Variants in ZNF33A observed in about 807,000 individuals in gnomAD.
The protein encoded by ZNF33A is brain my041 protein.
A neutral mutation model predicts 15.9 loss-of-function variants in ZNF33A; 9 were observed. That is an observed-to-expected ratio of 0.57 (90% CI 0.34 to 0.99). ZNF33A has a LOEUF of 0.99. ZNF33A is among the 50% of genes least tolerant of loss of function. ZNF33A has a pLI of 0.02. For synonymous variants in ZNF33A, 294 were observed against 324.2 expected, an observed-to-expected ratio of 0.91 and a Z score of 1.00; for missense variants, 843 against 941.6, an observed-to-expected ratio of 0.90 and a Z score of 1.37.
At chr10:38,015,449 G>A (rs557141134) in intron 2 of ZNF33A, among the ~76,000 whole-genome samples, 71 of 152,118 alleles carry the variant, frequency 4.7e-4, no homozygotes, top group African/African-American at 1.7e-3. Context: ...GGGTGTCTCA[G>A]CTGGGATTAC....
chr10:38,044,574 T>C (rs2065871527), intron 4 of ZNF33A, among the ~76,000 whole-genome samples: 1 of 152,172 alleles, frequency 6.6e-6, no homozygotes, highest in Admixed American at 6.5e-5. Context: ...ATCCAGAATT[T>C]TCATTGTATT....
intron 4 of ZNF33A, among the ~76,000 whole-genome samples, chr10:38,046,351 A>G (rs573464092): frequency 2.0e-5 from 3 of 152,342 alleles, no homozygotes; most frequent in Admixed American, 6.5e-5. Flanking sequence ...CTGGAAAAGG[A>G]CTGATCCTGC....
upstream of ZNF33A, chr10:38,010,629 T>C (rs370215545): frequency 2.2e-6 from 3 of 1,360,112 alleles, no homozygotes; most frequent in Non-Finnish European, 1.0e-6. Flanking sequence ...AGCATCAAGC[T>C]GTGCGCGTGG....
chr10:38,049,216 A>G (rs1036010910), intron 4 of ZNF33A, among the ~76,000 whole-genome samples: 2 of 152,144 alleles, frequency 1.3e-5, no homozygotes, highest in African/African-American at 4.8e-5. Context: ...ATTAGAAAGT[A>G]TTTTGAACTT....
chr10:38,021,292 C>G (rs1333427005), intron 4 of ZNF33A, among the ~76,000 whole-genome samples: 1 of 152,100 alleles, frequency 6.6e-6, no homozygotes, highest in Non-Finnish European at 1.5e-5. Context: ...TGCAATGATC[C>G]TAAATGTGTC....
intron 4 of ZNF33A, among the ~76,000 whole-genome samples, chr10:38,032,399 A>C (rs1247688770): frequency 1.3e-5 from 2 of 152,188 alleles, no homozygotes; most frequent in African/African-American, 2.4e-5. Flanking sequence ...TGTATAAATC[A>C]ATCATTGTTA....
intron 4 of ZNF33A, among the ~76,000 whole-genome samples, chr10:38,034,765 C>T (rs965742153): frequency 2.0e-5 from 3 of 152,110 alleles, no homozygotes; most frequent in African/African-American, 7.2e-5. Flanking sequence ...TGTATATTTT[C>T]TTTCTAAAAT....
chr10:38,023,846 A>T (rs541678918), intron 4 of ZNF33A, among the ~76,000 whole-genome samples: 1 of 152,182 alleles, frequency 6.6e-6, no homozygotes, highest in Non-Finnish European at 1.5e-5. Context: ...TATACGTAGA[A>T]TATTACAAGG....
At chr10:38,043,902 T>G (rs987085490) in intron 4 of ZNF33A, 2 of 151,544 alleles carry the variant, frequency 1.3e-5, no homozygotes, top group African/African-American at 4.8e-5. Flanking sequence ...TGAACTTGTG[T>G]GTCATTCTTG....
intron 4 of ZNF33A, among the ~76,000 whole-genome samples, chr10:38,051,674 A>G (rs2066211719): frequency 6.6e-6 from 1 of 152,144 alleles, no homozygotes; most frequent in South Asian, 2.1e-4. Context: ...TAAATTTGTT[A>G]TTATATATTA....
chr10:38,039,498 A>G (rs1220143251), intron 4 of ZNF33A: 1 of 456,006 alleles, frequency 2.2e-6, no homozygotes, highest in Non-Finnish European at 4.4e-6. Context: ...AAGTGGTAGG[A>G]TTACAGGCAT....
intron 4 of ZNF33A, among the ~76,000 whole-genome samples, chr10:38,035,822 A>T (rs494278): frequency 6.6e-6 from 1 of 152,232 alleles, no homozygotes; most frequent in East Asian, 1.9e-4. Context: ...TAAAGCTTTC[A>T]TAAAAGAAAA....
At chr10:38,019,883 A>G (rs2064659002) in intron 4 of ZNF33A, among the ~76,000 whole-genome samples, 1 of 152,228 alleles carries the variant, frequency 6.6e-6, no homozygotes. Context: ...CTCTGTATGT[A>G]GTGGGAACAC....
Position 38,058,738 on chromosome 10 carries a change from T to G in ZNF33A, c.*2178T>G, listed in dbSNP as rs1427820288. 1 of 152,244 alleles carries G rather than the reference T, an allele frequency of 6.6e-6. No homozygotes were observed. The highest frequency in any genetic ancestry group is 1.5e-5 in the Non-Finnish European group (1 of 68,066). 9.4% of individuals were successfully genotyped at this position (152,244 alleles called of 1,614,324 possible). Reference sequence around the variant, plus strand: ...GTGAGCTGAGATTGTGCCACTGTACTGCAGCCTGGGTGACAGAATGAGACT... The same window carrying G: ...GTGAGCTGAGATTGTGCCACTGTACGGCAGCCTGGGTGACAGAATGAGACT... On this transcript the variant is annotated 3_prime_UTR_variant, in exon 5 of 5. Transcript: ENST00000432900.
rs537994708 is a variant in ZNF33A, at chr10:38,011,696, G to A, written c.-44-602G>A. On this transcript the variant is annotated intron_variant, in intron 1 of 4. Transcript: ENST00000432900. ...GTTCAGGATCACAGTTAGTAGGGAA[G>A]ACTAAGTCACATCTCCTGACCCCTA... Among the ~76,000 whole-genome samples, 8 of 152,322 alleles carry A rather than the reference G, an allele frequency of 5.3e-5. No homozygotes were observed. In the South Asian group the frequency reaches 1.4e-3, roughly 28 times the overall value.
At chr10:38,029,722 A>AACAGGCAAC (rs1173736165) in intron 4 of ZNF33A, among the ~76,000 whole-genome samples, 1 of 152,196 alleles carries the variant, frequency 6.6e-6, no homozygotes, top group Non-Finnish European at 1.5e-5. Context: ...CAGGACTAAC[A>AACAGGCAAC]ACAGGCAACA....
At chr10:38,028,096 G>A (rs2065056522) in intron 4 of ZNF33A, among the ~76,000 whole-genome samples, 1 of 151,838 alleles carries the variant, frequency 6.6e-6, no homozygotes, top group African/African-American at 2.4e-5. Flanking sequence ...GTGAGACTCT[G>A]TTTCTACAAA....
intron 2 of ZNF33A, 120 bp from the exon 3 acceptor site, chr10:38,016,751 T>C: frequency 8.2e-7 from 1 of 1,218,790 alleles, no homozygotes; most frequent in Non-Finnish European, 1.1e-6. Flanking sequence ...GGCAGAATAT[T>C]TCTGTTATGA....
downstream of ZNF33A, among the ~76,000 whole-genome samples, chr10:38,062,325 G>T: frequency 6.6e-6 from 1 of 152,134 alleles, no homozygotes; most frequent in East Asian, 1.9e-4. Context: ...GTTTGTTATA[G>T]TCCATGGTTC....
Sources: allele counts gnomAD v4.1 joint callset (sites outside exome capture counted in the v4.1 genomes callset), GRCh38; gene constraint gnomAD v4.1.1; transcripts MANE v1.5; gene names NCBI Gene and HGNC (gene_info 2026-07-23, HGNC 2026-07-21).